The following FLNC variants were observed in gnomAD, a reference collection of about 807,000 sequenced individuals.
The protein encoded by FLNC is filamin C.
A neutral mutation model predicts 254.3 loss-of-function variants in FLNC; 91 were observed. That is an observed-to-expected ratio of 0.36 (90% CI 0.30 to 0.43). FLNC has a LOEUF of 0.43. Ranked by LOEUF, FLNC falls within the 20% of genes least tolerant of loss-of-function variation. The pLI is 1.00. For synonymous variants in FLNC, 1,430 were observed against 1,577.2 expected (o/e 0.91, Z 2.21); for missense variants, 2,853 against 3,802.6 (o/e 0.75, Z 6.57).
At chr7:128,847,020 C>T (rs1808596778) in intron 24 of FLNC, 115 bp downstream of exon 24, 1 of 1,367,002 alleles carries the variant, frequency 7.3e-7, no homozygotes, top group Non-Finnish European at 1.0e-6. Flanking sequence ...GAGAGGACAG[C>T]CTAGAGTGGG....
chr7:128,858,057 G>C lies in FLNC; in HGVS notation c.7830G>C (p.Leu2610=), dbSNP rs1032374300. ...GCCTTCACGAAACATCCACGGTTCT[G>C]GTGGAGACTGTGACCAAGTCCTCCT... ...GHSLHETSTV[L]VETVTKSSSS... is the part of the protein sequence containing the mutation. The change falls in exon 47 of 48, where the codon CTG becomes CTC. Residue 2610 remains leucine (L), a synonymous_variant. Coordinates refer to ENST00000325888, the MANE Select transcript of FLNC (RefSeq NM_001458.5). This position sits in a 1 kb window ranked among gnomAD's most constrained non-coding sequence, Gnocchi z 6.7. 3 of 1,608,414 alleles carry C rather than the reference G, an allele frequency of 1.9e-6. No individual in the cohort carries two copies. The highest frequency in any genetic ancestry group is 2.7e-5 in the African/African-American group (2 of 74,864).
At chr7:128,832,231 A>G (rs1009919746) in intron 1 of FLNC, among the ~76,000 whole-genome samples, 2 of 148,210 alleles carry the variant, frequency 1.3e-5, no homozygotes, top group South Asian at 4.4e-4. Flanking sequence ...CCCCCACCCC[A>G]CCCGCCTGCC....
rs759845069 is a variant in FLNC, at chr7:128,849,463, T to C, written c.5084T>C (p.Val1695Ala). 6.2e-7 allele frequency: 1 copy of C among 1,614,148 alleles called. No individual in the cohort carries two copies. The highest frequency in any genetic ancestry group is 1.1e-5 in the South Asian group (1 of 91,078). ...GGGGCAGAGCTCGATGTGGATGTGG[T>C]TGAGAACCATGACGGTACCTTTGAC... ...PDGAELDVDV[V>A]ENHDGTFDIY... is the part of the protein sequence containing the mutation. Residue 1695 changes from valine to alanine, a missense_variant, in exon 30 of 48, where the codon GTT becomes GCT. Physicochemically the swap from Val to Ala is moderately conservative, Grantham distance 64 (BLOSUM62 0). Transcript: ENST00000325888.
rs1267813291 is a variant in FLNC at position 128,847,732 on chromosome 7, G to A, written c.4324G>A (p.Asp1442Asn). 2.5e-6 allele frequency: 4 copies of A among 1,614,144 alleles called. No homozygotes were observed. The highest frequency in any genetic ancestry group is 1.7e-4 in the Middle Eastern group (1 of 6,056). Residue 1442 changes from aspartate (D) to asparagine (N), a missense_variant, in exon 25 of 48, where the codon GAC (aspartate) becomes AAC (asparagine). Transcript: ENST00000325888. Reference sequence around the variant, plus strand: ...CCGCGTGCCAGTGAAGGATGTGGTGGACCCTGGGAAGGTGAAGTGCTCAGG... The same window carrying A: ...CCGCGTGCCAGTGAAGGATGTGGTGAACCCTGGGAAGGTGAAGTGCTCAGG... ...PFRVPVKDVV[D>N]PGKVKCSGPG...
rs191288058 is a variant in FLNC at position 128,854,676 on chromosome 7, G to A, written c.6991G>A (p.Val2331Met). The A allele has an allele frequency of 2.6e-4, 425 of 1,612,452 alleles. 3 individuals are homozygous for A. In the African/African-American group the frequency reaches 4.6e-3, roughly 17 times the overall value. ...GTGLERGVAG[V>M]PAEFSIWTRE... ...AGGGCTGGAGCGAGGTGTGGCCGGC[G>A]TGCCAGGTAAGGGGCAGGTGGCCAG... The change falls in exon 41 of 48, where the codon GTG (valine) becomes ATG (methionine). Residue 2331 changes from valine to methionine, a missense_variant. By Grantham distance (21) the Val-to-Met change is conservative. Around this residue, in one of 10 missense-constraint regions of FLNC, gnomAD observed 551 missense variants for 835.0 expected, o/e 0.66. Coordinates refer to ENST00000325888, the MANE Select transcript of FLNC (RefSeq NM_001458.5).
intron 42 of FLNC, 64 bp downstream of exon 42, chr7:128,854,976 C>A: frequency 6.3e-7 from 1 of 1,575,450 alleles, no homozygotes; most frequent in Non-Finnish European, 8.7e-7. Flanking sequence ...TTTCTGCCCA[C>A]TGGCCAGGCA....
chr7:128,850,183 G>A, intron 31 of FLNC, 109 bp downstream of exon 31: 1 of 1,039,680 alleles, frequency 9.6e-7, no homozygotes, highest in Non-Finnish European at 1.4e-6. Context: ...GCCTCTTGGG[G>A]AGCAGGCAAG....
chr7:128,852,441 C>G, intron 35 of FLNC, 150 bp from the exon 36 acceptor site: 1 of 840,214 alleles, frequency 1.2e-6, no homozygotes, highest in South Asian at 1.4e-5. Flanking sequence ...GTGCAGACTG[C>G]ACTTTCCAGG....
chr7:128,839,889 C>A, intron 8 of FLNC, 134 bp from the exon 9 acceptor site: 2 of 1,153,918 alleles, frequency 1.7e-6, no homozygotes, highest in Non-Finnish European at 2.5e-6. Context: ...GCTGGGGACA[C>A]AAAGGGCTCC....
Position 128,857,931 on chromosome 7 carries a change from T to C in FLNC, c.7781-77T>C. Reference sequence around the variant, plus strand: ...AGTGAGTCCCACAGGGTGGCAGTGCTGGCCGAGGGTCCCCTGCCTGGGGAA... The same window carrying C: ...AGTGAGTCCCACAGGGTGGCAGTGCCGGCCGAGGGTCCCCTGCCTGGGGAA... On this transcript the variant is annotated intron_variant, in intron 46 of 47. Coordinates refer to ENST00000325888, the MANE Select transcript of FLNC (RefSeq NM_001458.5). The surrounding 1 kb of genome is among the most constrained non-coding windows in gnomAD (Gnocchi z 4.5). The C allele has an allele frequency of 9.2e-7, 1 of 1,083,930 alleles. No homozygotes were observed. Among genetic ancestry groups the C allele is most frequent in the East Asian group, 2.6e-5 (1 of 38,942 alleles). 67.1% of individuals were successfully genotyped at this position (1,083,930 alleles called of 1,614,324 possible). A position where few individuals can be genotyped will look rare whatever the true frequency, so the allele number is the denominator to read the frequency against.
chr7:128,855,991 A>G (rs898580321), intron 43 of FLNC, among the ~76,000 whole-genome samples: 1 of 152,164 alleles, frequency 6.6e-6, no homozygotes, highest in East Asian at 1.9e-4. Context: ...CAGGGTGGTC[A>G]CATTGGCCCA....
chr7:128,835,061 A>G lies in FLNC; in HGVS notation c.353-265A>G, dbSNP rs4731518. Among the ~76,000 whole-genome samples, 3,925 of 152,362 alleles carry G rather than the reference A, an allele frequency of 0.026. 83 individuals carry two copies. Among genetic ancestry groups the G allele is most frequent in the Middle Eastern group, 0.082 (24 of 294 alleles). The stretch of plus-strand genomic sequence containing the variant: ...AAAGAAACCAGGTAATTACATAGAC[A>G]GGAGGCAGACTCACTTGCTGTAGCT... On this transcript the variant is annotated intron_variant, in intron 1 of 47. Transcript: ENST00000325888. The surrounding 1 kb of genome is among the most constrained non-coding windows in gnomAD (Gnocchi z 5.3).
At chr7:128,848,121 G>A (rs1808642381) in intron 26 of FLNC, 53 bp downstream of exon 26, 1 of 1,557,500 alleles carries the variant, frequency 6.4e-7, no homozygotes, top group Non-Finnish European at 8.7e-7. Context: ...GGGTGCTCCT[G>A]CTGGGGTGGC....
intron 35 of FLNC, 64 bp from the exon 36 acceptor site, chr7:128,852,527 G>C: frequency 6.3e-7 from 1 of 1,589,664 alleles, no homozygotes; most frequent in Non-Finnish European, 8.6e-7. Flanking sequence ...GAGGGTTCCT[G>C]AGCCCTGTGA....
In FLNC at chr7:128,845,086, C is replaced by T. The variant is rs117864464; in HGVS notation, c.3621C>T (p.Asn1207=). Residue 1207 remains asparagine, a synonymous_variant, in exon 21 of 48, where the codon AAC becomes AAT. Coordinates refer to ENST00000325888, the MANE Select transcript of FLNC (RefSeq NM_001458.5). ...GVKAEVLIHN[N]ADGTYHITYS... ...AGGCCGAGGTGCTGATCCACAACAA[C>T]GCGGATGGCACCTACCACATCACCT... 9.4e-4 allele frequency: 1,524 copies of T among 1,613,872 alleles called. 24 individuals carry two copies. The East Asian group carries it at 0.031, about 33-fold the overall frequency.
At position 128,844,862 on chromosome 7, in the gene FLNC, A is replaced by G; in HGVS notation, c.3397A>G (p.Ile1133Val). 1.2e-6 allele frequency: 2 copies of G among 1,614,052 alleles called. No homozygotes were observed. Among genetic ancestry groups the G allele is most frequent in the South Asian group, 1.1e-5 (1 of 91,088 alleles). Residue 1133 changes from isoleucine (I) to valine (V), a missense_variant, in exon 21 of 48, where the codon ATC becomes GTC. By Grantham distance (29) the Ile-to-Val change is conservative. Around this residue, in one of 10 missense-constraint regions of FLNC, gnomAD observed 1,573 missense variants for 1,883.5 expected, o/e 0.84. Coordinates refer to ENST00000325888, the MANE Select transcript of FLNC (RefSeq NM_001458.5). ...PTEPGEYTINILFAEAHIPGS... is the reference protein window; with the variant it reads ...PTEPGEYTINVLFAEAHIPGS... ...GGAGCCTGGCGAGTACACCATCAAC[A>G]TCCTGTTTGCTGAGGCCCACATCCC...
At position 128,837,267 on chromosome 7, in the gene FLNC, C is replaced by T; in HGVS notation, c.699+10C>T. 6.4e-7 allele frequency: 1 copy of T among 1,555,274 alleles called. No individual in the cohort carries two copies. Among genetic ancestry groups the T allele is most frequent in the African/African-American group, 1.4e-5 (1 of 73,616 alleles). Reference sequence around the variant, plus strand: ...GCTTGGGGTGCCCCAGGTACATGCGCAGATGGGGCAGGGGGGAAAGGGGGC... The same window carrying T: ...GCTTGGGGTGCCCCAGGTACATGCGTAGATGGGGCAGGGGGGAAAGGGGGC... On this transcript the variant is annotated intron_variant, in intron 3 of 47. Coordinates refer to ENST00000325888, the MANE Select transcript of FLNC (RefSeq NM_001458.5).
chr7:128,852,142 G>A (rs1466912832), intron 35 of FLNC, among the ~76,000 whole-genome samples: 1 of 152,316 alleles, frequency 6.6e-6, no homozygotes, highest in South Asian at 2.1e-4. Flanking sequence ...GGGATTACAG[G>A]TGTGAGCCAC....
intron 16 of FLNC, 71 bp from the exon 17 acceptor site, chr7:128,843,158 G>A: frequency 6.8e-7 from 1 of 1,477,494 alleles, no homozygotes. Context: ...GGTGTGTCCT[G>A]AGCCAGCATC....
Sources: gnomAD v4.1 joint callset for allele counts (sites outside exome capture counted in the v4.1 genomes callset) on GRCh38, gnomAD v4.1.1 for gene constraint, gnomAD v4.1.1 regional missense constraint, Gnocchi (gnomAD v3.1) non-coding constraint, MANE v1.5 for transcripts, NCBI Gene and HGNC (gene_info 2026-07-23, HGNC 2026-07-21) for gene names.